The following KCNAB2 variants were observed in gnomAD, a reference collection of about 807,000 sequenced individuals.
The protein encoded by KCNAB2 is potassium voltage-gated channel subfamily A regulatory beta subunit 2, also known as voltage-gated potassium channel subunit beta-2.
In KCNAB2, 29 loss-of-function variants were observed where a neutral mutation model predicts 63.6. The ratio of observed to expected loss-of-function variants is 0.46; its 90% confidence interval spans 0.34 to 0.62. The LOEUF is 0.62. KCNAB2 is among the 20% of genes least tolerant of loss of function. The pLI is 0.01. For synonymous variants in KCNAB2, 222 were observed against 224.2 expected, an observed-to-expected ratio of 0.99 and a Z score of 0.09; for missense variants, 359 against 563.9, an observed-to-expected ratio of 0.64 and a Z score of 3.68.
At chr1:6,012,830 G>A (rs567119427) in intron 1 of KCNAB2, among the ~76,000 whole-genome samples, 70 of 152,154 alleles carry the variant, frequency 4.6e-4, no homozygotes, top group African/African-American at 1.6e-3. Context: ...AGTGGTGGTC[G>A]TGAGCTGTGT....
chr1:6,003,202 C>G lies in KCNAB2; in HGVS notation c.-53+10414C>G, dbSNP rs1272068291. Among the ~76,000 whole-genome samples, 1 of 152,218 alleles carries G rather than the reference C, an allele frequency of 6.6e-6. No homozygotes were observed. The highest frequency in any genetic ancestry group is 1.9e-4 in the East Asian group (1 of 5,186). On this transcript the variant is annotated intron_variant, in intron 1 of 16. Coordinates refer to the KCNAB2 transcript ENST00000341524. The surrounding 1 kb of genome is among the most constrained non-coding windows in gnomAD (Gnocchi z 4.1). The stretch of plus-strand genomic sequence containing the variant: ...GAGGCCAGCGCACAGCCCCAGCAGC[C>G]TGGCCCCTGCTGGCTGCAGGGGCTC...
chr1:5,999,246 G>A (rs1284065599), intron 1 of KCNAB2, among the ~76,000 whole-genome samples: 3 of 152,192 alleles, frequency 2.0e-5, no homozygotes, highest in African/African-American at 4.8e-5. Flanking sequence ...GGTGGGCCGA[G>A]GGTCCTGAGA....
At chr1:6,017,591 C>G (rs952618777) in intron 1 of KCNAB2, among the ~76,000 whole-genome samples, 4 of 151,966 alleles carry the variant, frequency 2.6e-5, no homozygotes, top group African/African-American at 9.7e-5. Flanking sequence ...GTCAGGAGTT[C>G]GAGACCATCT....
At chr1:6,053,023 A>G (rs1026190860) in intron 2 of KCNAB2, among the ~76,000 whole-genome samples, 1 of 152,000 alleles carries the variant, frequency 6.6e-6, no homozygotes, top group African/African-American at 2.4e-5. Context: ...TCTCCTGTGG[A>G]CGGCGTGTTT....
chr1:5,999,999 C>G (rs1199711843), intron 1 of KCNAB2, among the ~76,000 whole-genome samples: 1 of 151,226 alleles, frequency 6.6e-6, no homozygotes, highest in African/African-American at 2.4e-5. Flanking sequence ...GCTCTGCTGT[C>G]TGCACCCTCT....
chr1:6,100,359 C>A lies in KCNAB2; in HGVS notation c.*1785C>A, dbSNP rs1035366028. 4.0e-6 allele frequency: 1 copy of A among 251,800 alleles called. No homozygotes were observed. The highest frequency in any genetic ancestry group is 2.2e-5 in the African/African-American group (1 of 44,920). The allele number at this position is 251,800 out of a possible 1,614,324, so 15.6% of individuals were successfully genotyped here. ...TGCTGCCTGCTTCACCAGAAGCAGC[C>A]CTGTGAGTGTGGGGTGGGGAAGTCC... On this transcript the variant is annotated 3_prime_UTR_variant, in exon 16 of 16. Transcript: ENST00000378083.
rs1659367905 is a variant in KCNAB2 at position 6,028,573 on chromosome 1, G to A, written c.-52-11944G>A. ...TCCATCCCTTCTGCGATGTTCACTA[G>A]GCATTACCACATGCTGGTGGCCGCT... On this transcript the variant is annotated intron_variant, in intron 1 of 16. Transcript: ENST00000341524. This position sits in a 1 kb window ranked among gnomAD's most constrained non-coding sequence, Gnocchi z 4.0. Among the ~76,000 whole-genome samples the A allele has an allele frequency of 6.6e-6, 1 of 152,226 alleles. No individual in the cohort carries two copies. Among genetic ancestry groups the A allele is most frequent in the Admixed American group, 6.5e-5 (1 of 15,284 alleles).
intron 12 of KCNAB2, 32 bp downstream of exon 12, chr1:6,095,475 AC>A: frequency 1.5e-6 from 1 of 678,514 alleles, no homozygotes; most frequent in South Asian, 1.7e-5. Context: ...GCCCCGCCCC[AC>A]CCCACCCCTG....
At chr1:6,047,937 T>A (rs1661065728) in intron 1 of KCNAB2, among the ~76,000 whole-genome samples, 2 of 152,166 alleles carry the variant, frequency 1.3e-5, no homozygotes, top group Admixed American at 1.3e-4. Flanking sequence ...CTGGGCTCCC[T>A]CCGTGCCGCA....
intron 1 of KCNAB2, among the ~76,000 whole-genome samples, chr1:6,015,256 T>C (rs970012757): frequency 6.6e-6 from 1 of 152,108 alleles, no homozygotes; most frequent in African/African-American, 2.4e-5. Context: ...TTTCGAACTC[T>C]TGACCTCCGG....
chr1:6,017,808 G>T (rs1368940392), intron 1 of KCNAB2, among the ~76,000 whole-genome samples: 1 of 151,810 alleles, frequency 6.6e-6, no homozygotes, highest in Non-Finnish European at 1.5e-5. Context: ...AAAAAACTTG[G>T]CCTCCCAAAG....
intron 1 of KCNAB2, among the ~76,000 whole-genome samples, chr1:6,012,665 G>C (rs376368121): frequency 6.6e-6 from 1 of 151,670 alleles, no homozygotes; most frequent in Non-Finnish European, 1.5e-5. Flanking sequence ...AGGTGATGAA[G>C]GTGGAGGTGG....
chr1:6,013,612 C>A (rs1391638676), intron 1 of KCNAB2, among the ~76,000 whole-genome samples: 1 of 152,098 alleles, frequency 6.6e-6, no homozygotes, highest in African/African-American at 2.4e-5. Context: ...AGAAACTGAC[C>A]ACTCACCTCT....
At chr1:6,013,548 C>T (rs1342410136) in intron 1 of KCNAB2, among the ~76,000 whole-genome samples, 1 of 152,102 alleles carries the variant, frequency 6.6e-6, no homozygotes, top group Non-Finnish European at 1.5e-5. Flanking sequence ...CAGACACAGC[C>T]GCCACTGGCT....
chr1:6,085,977 C>T (rs1317702779), intron 6 of KCNAB2: 1 of 985,358 alleles, frequency 1.0e-6, no homozygotes. Flanking sequence ...GGGCCATCCA[C>T]CCTTCTCTCC....
upstream of KCNAB2, among the ~76,000 whole-genome samples, chr1:6,043,667 CACCAAGCAT>C (rs1660690814): frequency 6.6e-6 from 1 of 152,210 alleles, no homozygotes; most frequent in African/African-American, 2.4e-5. Flanking sequence ...ACCCTCATCA[CACCAAGCAT>C]ACCACTAAAC....
upstream of KCNAB2, among the ~76,000 whole-genome samples, chr1:6,032,064 G>A (rs1659665106): frequency 6.6e-6 from 1 of 152,164 alleles, no homozygotes; most frequent in Non-Finnish European, 1.5e-5. Flanking sequence ...CTATGGCTTT[G>A]ATGACAGTTC....
upstream of KCNAB2, among the ~76,000 whole-genome samples, chr1:6,044,439 G>A (rs1024307738): frequency 1.3e-5 from 2 of 152,182 alleles, no homozygotes; most frequent in East Asian, 1.9e-4. Flanking sequence ...AGGATTCAAC[G>A]CAGAGGCTGG....
chr1:6,096,893 G>A lies in KCNAB2; in HGVS notation c.1069+137G>A. On this transcript the variant is annotated intron_variant, in intron 14 of 15. Coordinates refer to ENST00000378083, the MANE Select transcript of KCNAB2 (RefSeq NM_001199862.2). This position sits in a 1 kb window ranked among gnomAD's most constrained non-coding sequence, Gnocchi z 5.9. ...AGGGATCCCTGGACATCATCCCCCA[G>A]CCAGCCTCGGGTAATCGGGCTCTAA... The A allele has an allele frequency of 8.3e-7, 1 of 1,198,584 alleles. No homozygotes were observed. Among genetic ancestry groups the A allele is most frequent in the South Asian group, 1.6e-5 (1 of 61,908 alleles). The allele number at this position is 1,198,584 out of a possible 1,614,324, so 74.2% of individuals were successfully genotyped here.
Sources: gnomAD v4.1 joint callset for allele counts (sites outside exome capture counted in the v4.1 genomes callset) on GRCh38, gnomAD v4.1.1 for gene constraint, Gnocchi (gnomAD v3.1) non-coding constraint, MANE v1.5 for transcripts, NCBI Gene and HGNC (gene_info 2026-07-23, HGNC 2026-07-21) for gene names.